RBFOX1: variants seen among roughly 807,000 people sequenced by gnomAD.
RBFOX1 encodes RNA binding protein fox-1 homolog 1.
RBFOX1 carries 8 observed loss-of-function variants against 57.7 expected under a neutral mutation model. That is an observed-to-expected ratio of 0.14 (90% confidence interval 0.08 to 0.25). RBFOX1 has a LOEUF of 0.25. Among genes scored for constraint, RBFOX1 ranks in the 10% least tolerant of loss-of-function variants. The pLI is 1.00. For synonymous variants in RBFOX1, 326 were observed against 222.4 expected (o/e 1.47, Z -4.15); for missense variants, 611 against 548.5 (o/e 1.11, Z -1.14).
intron 2 of RBFOX1, among the ~76,000 whole-genome samples, chr16:6,607,760 A>C (rs2097962452): frequency 6.6e-6 from 1 of 152,204 alleles, no homozygotes; most frequent in African/African-American, 2.4e-5. Flanking sequence ...TATGGTTCCA[A>C]AATTCAGTGT....
intron 4 of RBFOX1, among the ~76,000 whole-genome samples, chr16:7,221,196 G>T (rs575783935): frequency 6.6e-6 from 1 of 152,010 alleles, no homozygotes; most frequent in Non-Finnish European, 1.5e-5. Context: ...TAAAACAGCT[G>T]CCTTGTACAT....
intron 3 of RBFOX1, among the ~76,000 whole-genome samples, chr16:7,032,328 C>T (rs2043018176): frequency 6.6e-6 from 1 of 151,972 alleles, no homozygotes; most frequent in African/African-American, 2.4e-5. Flanking sequence ...GCCTGTAGTC[C>T]TAGCTACTTG....
At chr16:6,758,032 A>G (rs749114297) in intron 3 of RBFOX1, among the ~76,000 whole-genome samples, 3 of 152,164 alleles carry the variant, frequency 2.0e-5, no homozygotes, top group Non-Finnish European at 4.4e-5. Context: ...TCACACTTTT[A>G]AGAAGTCAGT....
rs186508958 is a variant in RBFOX1, at chr16:6,231,997, C to T, written c.-126-84998C>T. Among the ~76,000 whole-genome samples, 93 of 152,222 alleles carry T rather than the reference C, an allele frequency of 6.1e-4. No homozygotes were observed. The East Asian group carries it at 0.015, about 25-fold the overall frequency. ...GAGGGAGGTGGATTTGTACTTCCCT[C>T]GTTTGCAATATTATTAGTGTGATTA... is the stretch of plus-strand genomic sequence containing the variant. On this transcript the variant is annotated intron_variant, in intron 1 of 15. Coordinates refer to ENST00000550418, the MANE Select transcript of RBFOX1 (RefSeq NM_018723.4).
chr16:6,310,772 C>T (rs531418037), intron 1 of RBFOX1, among the ~76,000 whole-genome samples: 8 of 152,102 alleles, frequency 5.3e-5, no homozygotes, highest in Admixed American at 3.3e-4. Context: ...CAGATGTCTA[C>T]AAATGAAGAG....
chr16:7,300,616 A>ATT (rs34041062), intron 4 of RBFOX1, among the ~76,000 whole-genome samples: 3,813 of 151,658 alleles, frequency 0.025, 73 homozygotes, highest in Middle Eastern at 0.068. Context: ...TATAGAAAGT[A>ATT]TTTTTTTTAG....
intron 2 of RBFOX1, among the ~76,000 whole-genome samples, chr16:6,494,631 C>G (rs1045213486): frequency 2.0e-4 from 30 of 152,172 alleles, no homozygotes; most frequent in African/African-American, 6.3e-4. Flanking sequence ...ATAAAGCTGT[C>G]TTGAACATTT....
chr16:6,988,957 T>C lies in RBFOX1; in HGVS notation c.-15-63100T>C, dbSNP rs190377456. ...TGGCTAATTTTTAGTTGAGATGGGT[T>C]TTCCCATGTTGGCTAGGCTGCTCTT... On this transcript the variant is annotated intron_variant, in intron 3 of 15. Transcript: ENST00000550418. 2.1e-3 allele frequency among the ~76,000 whole-genome samples: 315 copies of C among 152,076 alleles called. 1 individual carries two copies. The highest frequency in any genetic ancestry group is 2.9e-3 in the Non-Finnish European group (199 of 67,978).
intron 3 of RBFOX1, among the ~76,000 whole-genome samples, chr16:6,937,684 G>T (rs2077613069): frequency 6.6e-6 from 1 of 152,226 alleles, no homozygotes; most frequent in Non-Finnish European, 1.5e-5. Flanking sequence ...CCACGTTATT[G>T]GCAATTGGTT....
At chr16:7,314,010 G>A (rs1311540713) in intron 4 of RBFOX1, among the ~76,000 whole-genome samples, 2 of 150,710 alleles carry the variant, frequency 1.3e-5, no homozygotes, top group Non-Finnish European at 2.9e-5. Context: ...GAGTTCAGGC[G>A]ACCTGTCAAC....
chr16:5,982,956 A>T (rs1360748396), intron 4 of RBFOX1, among the ~76,000 whole-genome samples: 1 of 152,196 alleles, frequency 6.6e-6, no homozygotes, highest in Non-Finnish European at 1.5e-5. Flanking sequence ...ATAGTCCCAG[A>T]TGTACCATTG....
At chr16:6,057,447 C>T (rs141988272) in intron 1 of RBFOX1, among the ~76,000 whole-genome samples, 3 of 152,180 alleles carry the variant, frequency 2.0e-5, no homozygotes, top group East Asian at 1.9e-4. Context: ...CTCATTCATT[C>T]ATTTATTCAA....
At chr16:6,509,577 G>T (rs1021207935) in intron 2 of RBFOX1, among the ~76,000 whole-genome samples, 1 of 152,096 alleles carries the variant, frequency 6.6e-6, no homozygotes, top group Non-Finnish European at 1.5e-5. Context: ...TGGTTCATGG[G>T]AACAAAACAT....
chr16:5,323,649 A>G (rs1398414591), intron 1 of RBFOX1, among the ~76,000 whole-genome samples: 2 of 152,258 alleles, frequency 1.3e-5, no homozygotes, highest in East Asian at 1.9e-4. Context: ...AGCTCTGAAA[A>G]GTAAAACTTA....
At chr16:6,693,155 A>T (rs899422032) in intron 3 of RBFOX1, among the ~76,000 whole-genome samples, 1 of 151,118 alleles carries the variant, frequency 6.6e-6, no homozygotes, top group Non-Finnish European at 1.5e-5. Flanking sequence ...CTCCTCCACT[A>T]GCATCACCAC....
intron 1 of RBFOX1, among the ~76,000 whole-genome samples, chr16:5,408,918 C>T (rs1164409507): frequency 6.6e-6 from 1 of 152,184 alleles, no homozygotes; most frequent in Non-Finnish European, 1.5e-5. Flanking sequence ...GAAATCCGCC[C>T]CCGTGATCCG....
At chr16:5,605,845 C>G (rs2047556527) in intron 3 of RBFOX1, among the ~76,000 whole-genome samples, 1 of 152,136 alleles carries the variant, frequency 6.6e-6, no homozygotes, top group Non-Finnish European at 1.5e-5. Flanking sequence ...TAATGTCTGC[C>G]TTGAGAACAG....
rs559637339 is a variant in RBFOX1 at position 5,444,827 on chromosome 16, C to T, written c.220-22389C>T. On this transcript the variant is annotated intron_variant, in intron 1 of 2. Coordinates refer to the RBFOX1 transcript ENST00000585867. Reference sequence around the variant, plus strand: ...TATTAGGTTGAACTGTATGAAACTGCCATTCTTATAGGTCCAGGATAGCTG... The same window carrying T: ...TATTAGGTTGAACTGTATGAAACTGTCATTCTTATAGGTCCAGGATAGCTG... Among the ~76,000 whole-genome samples the T allele has an allele frequency of 6.6e-5, 10 of 152,220 alleles. No homozygotes were observed. In the South Asian group the frequency reaches 2.1e-3, roughly 32 times the overall value.
At chr16:5,373,027 A>C (rs1288867999) in intron 1 of RBFOX1, among the ~76,000 whole-genome samples, 1 of 152,268 alleles carries the variant, frequency 6.6e-6, no homozygotes, top group Admixed American at 6.5e-5. Context: ...AATTTAAAGA[A>C]ATAGCTTTCA....
Sources: gnomAD v4.1 joint callset for allele counts (sites outside exome capture counted in the v4.1 genomes callset) on GRCh38, gnomAD v4.1.1 for gene constraint, MANE v1.5 for transcripts, NCBI Gene and HGNC (gene_info 2026-07-23, HGNC 2026-07-21) for gene names.